The following TRMT10B variants were observed in gnomAD, a reference collection of about 807,000 sequenced individuals.
TRMT10B encodes tRNA methyltransferase 10 homolog B.
Under a neutral mutation model 43.8 loss-of-function variants are expected in TRMT10B, and 33 were observed. The observed-to-expected ratio is 0.75, with a 90% CI of 0.57 to 1.01. The LOEUF (loss-of-function observed/expected upper bound fraction) is 1.01. Ranked by LOEUF, TRMT10B falls within the 50% of genes least tolerant of loss-of-function variation. The pLI, the probability that TRMT10B is intolerant of heterozygous loss-of-function variation, is 0.00. For missense variants in TRMT10B, 362 were observed against 369.8 expected (o/e 0.98, Z 0.17); for synonymous variants, 137 against 130.6 (o/e 1.05, Z -0.34).
chr9:37,763,522 A>G (rs1400130888), intron 3 of TRMT10B, 107 bp from the exon 4 acceptor site: 1 of 904,000 alleles, frequency 1.1e-6, no homozygotes, highest in Non-Finnish European at 1.7e-6. Context: ...TTACATCAGT[A>G]TCAAGTTTCT....
At chr9:37,775,135 T>C (rs1417584348) in intron 7 of TRMT10B, among the ~76,000 whole-genome samples, 2 of 152,194 alleles carry the variant, frequency 1.3e-5, no homozygotes, top group Admixed American at 6.5e-5. Flanking sequence ...GCTGGTACTA[T>C]CAAAACTGGA....
chr9:37,764,243 G>T (rs2118802486), intron 4 of TRMT10B, among the ~76,000 whole-genome samples: 1 of 152,100 alleles, frequency 6.6e-6, no homozygotes, highest in Non-Finnish European at 1.5e-5. Context: ...CTGCTTCCTG[G>T]GTTCAAGCAA....
At chr9:37,770,899 CCT>C (rs1212299450) in intron 7 of TRMT10B, 160 bp downstream of exon 7, 3 of 624,614 alleles carry the variant, frequency 4.8e-6, no homozygotes, top group Non-Finnish European at 7.8e-6. Flanking sequence ...GGTGAAGTTC[CCT>C]CTCTCCTCAT....
chr9:37,768,266 G>T (rs2118849398), intron 5 of TRMT10B, 38 bp downstream of exon 5: 2 of 1,565,460 alleles, frequency 1.3e-6, no homozygotes, highest in Admixed American at 1.8e-5. Flanking sequence ...ATTGTCATCT[G>T]AAAAGTTATT....
At chr9:37,756,795 T>C (rs1411145830) in intron 1 of TRMT10B, among the ~76,000 whole-genome samples, 1 of 132,316 alleles carries the variant, frequency 7.6e-6, no homozygotes. Flanking sequence ...TACATACATG[T>C]GTATGTGTAT....
chr9:37,770,168 C>T (rs1301493522), intron 6 of TRMT10B, 149 bp downstream of exon 6: 14 of 742,918 alleles, frequency 1.9e-5, no homozygotes, highest in Non-Finnish European at 3.3e-5. Flanking sequence ...CTCTTACAGG[C>T]AGGGGCCTCA....
At chr9:37,759,441 G>A (rs1021266434) in intron 1 of TRMT10B, among the ~76,000 whole-genome samples, 1 of 152,228 alleles carries the variant, frequency 6.6e-6, no homozygotes, top group South Asian at 2.1e-4. Context: ...CATGGTTATA[G>A]CAAAGAGAAC....
intron 1 of TRMT10B, among the ~76,000 whole-genome samples, chr9:37,755,268 CTTTTTT>C (rs61444533): frequency 0.025 from 3,142 of 124,464 alleles, 113 homozygotes; most frequent in African/African-American, 0.086. Context: ...AAGACTCCGT[CTTTTTT>C]TTTTTTTTTT....
chr9:37,757,656 G>A (rs1221935098), intron 1 of TRMT10B, among the ~76,000 whole-genome samples: 1 of 152,224 alleles, frequency 6.6e-6, no homozygotes, highest in Non-Finnish European at 1.5e-5. Flanking sequence ...AAACTGCTCA[G>A]AAGATTTACC....
At chr9:37,771,203 ATGTT>A (rs35408684) in intron 7 of TRMT10B, among the ~76,000 whole-genome samples, 3,381 of 152,228 alleles carry the variant, frequency 0.022, 118 homozygotes, top group African/African-American at 0.077. Flanking sequence ...GAATTTTGAA[ATGTT>A]TGTTATATAG....
rs1205827454 is a variant in TRMT10B, at chr9:37,770,588, G to T, written c.653-84G>T. 10 of 1,240,268 alleles carry T rather than the reference G, an allele frequency of 8.1e-6. No individual in the cohort carries two copies. In the Admixed American group the frequency reaches 1.7e-4, roughly 21 times the overall value. The allele number at this position is 1,240,268 out of a possible 1,614,324, so 76.8% of individuals were successfully genotyped here. On this transcript the variant is annotated intron_variant, in intron 6 of 8. Transcript: ENST00000297994. The stretch of plus-strand genomic sequence containing the variant: ...TTTCTACTGAATTTCTACTTTTATT[G>T]TTAATAATTCTTTCATTTTGCTTTC...
chr9:37,753,153 A>G (rs1430253761), upstream of TRMT10B, among the ~76,000 whole-genome samples: 3 of 151,976 alleles, frequency 2.0e-5, no homozygotes, highest in Non-Finnish European at 2.9e-5. Context: ...TCCTGAAGCT[A>G]GCGAGACCAT....
In TRMT10B at chr9:37,761,947, G is replaced by A. The variant is rs1208784703; in HGVS notation, c.16G>A (p.Glu6Lys). 6.2e-7 allele frequency: 1 copy of A among 1,613,136 alleles called. No individual in the cohort carries two copies. The change falls in exon 2 of 9, where the codon GAA becomes AAA. Residue 6 changes from glutamate (E) to lysine (K), a missense_variant. Glu to Lys is a moderately conservative substitution (Grantham distance 56). Transcript: ENST00000297994. ...GACTAAGTCCATGGACTGGAAATTGGAAGGGAGTACTCAGAAAGTAGAGTC... is the reference window on the plus strand; with the variant it reads ...GACTAAGTCCATGGACTGGAAATTGAAAGGGAGTACTCAGAAAGTAGAGTC... MDWKL[E>K]GSTQKVESPV...
At chr9:37,768,847 G>C (rs1691455111) in intron 5 of TRMT10B, among the ~76,000 whole-genome samples, 2 of 152,194 alleles carry the variant, frequency 1.3e-5, no homozygotes, top group South Asian at 2.1e-4. Flanking sequence ...AGTCTCTCTT[G>C]TAGTGCAGCT....
Position 37,770,732 on chromosome 9 carries a change from T to A in TRMT10B, c.713T>A (p.Ile238Asn). The change falls in exon 7 of 9, where the codon ATT becomes AAT. Residue 238 changes from isoleucine (I) to asparagine (N), a missense_variant. Coordinates refer to ENST00000297994, the MANE Select transcript of TRMT10B (RefSeq NM_144964.4). ...YILGGLVDES[I>N]QKKVTFQKAR... Reference sequence around the variant, plus strand: ...CTCGGTGGGCTTGTGGATGAAAGCATTCAGAAGGTAAGTATACATTTCAGC... The same window carrying A: ...CTCGGTGGGCTTGTGGATGAAAGCAATCAGAAGGTAAGTATACATTTCAGC... The A allele has an allele frequency of 1.9e-6, 3 of 1,613,896 alleles. No homozygotes were observed. Among genetic ancestry groups the A allele is most frequent in the Non-Finnish European group, 2.5e-6 (3 of 1,180,018 alleles).
At chr9:37,764,200 G>A (rs936814134) in intron 4 of TRMT10B, among the ~76,000 whole-genome samples, 3 of 152,026 alleles carry the variant, frequency 2.0e-5, no homozygotes, top group African/African-American at 7.2e-5. Flanking sequence ...CTAGGCTGGA[G>A]TACAATGGCA....
chr9:37,777,728 C>T lies in TRMT10B; in HGVS notation c.*21C>T, dbSNP rs373447531. ...AATGATGGGCCTAAGATTGCAGCTGCGTGGCCAGGTGCTCACGCCGTAATG... is the reference window on the plus strand; with the variant it reads ...AATGATGGGCCTAAGATTGCAGCTGTGTGGCCAGGTGCTCACGCCGTAATG... On this transcript the variant is annotated 3_prime_UTR_variant, in exon 9 of 9. Transcript: ENST00000297994. 134 of 1,592,676 alleles carry T rather than the reference C, an allele frequency of 8.4e-5. No individual in the cohort carries two copies. Among genetic ancestry groups the T allele is most frequent in the Non-Finnish European group, 9.9e-5 (115 of 1,160,902 alleles).
chr9:37,772,556 T>C (rs1478459043), intron 7 of TRMT10B, among the ~76,000 whole-genome samples: 4 of 152,204 alleles, frequency 2.6e-5, no homozygotes, highest in African/African-American at 7.2e-5. Context: ...GCTGGGATTA[T>C]AGGCATGAGT....
intron 1 of TRMT10B, among the ~76,000 whole-genome samples, chr9:37,756,924 A>G (rs1825788207): frequency 6.6e-6 from 1 of 151,948 alleles, no homozygotes; most frequent in African/African-American, 2.4e-5. Flanking sequence ...CTACCCAGTG[A>G]CTGGGAAGCT....
Sources: allele counts gnomAD v4.1 joint callset (sites outside exome capture counted in the v4.1 genomes callset), GRCh38; gene constraint gnomAD v4.1.1; transcripts MANE v1.5; gene names NCBI Gene and HGNC (gene_info 2026-07-23, HGNC 2026-07-21).